The following CNIH3 variants were observed in gnomAD, a reference collection of about 807,000 sequenced individuals.
CNIH3 encodes the protein protein cornichon homolog 3.
A neutral mutation model predicts 24.1 loss-of-function variants in CNIH3; 14 were observed. That is an observed-to-expected ratio of 0.58 (90% CI 0.38 to 0.91). The LOEUF (loss-of-function observed/expected upper bound fraction) is 0.91, where lower values mean the gene tolerates loss of function less well. CNIH3 is among the 40% of genes least tolerant of loss of function. CNIH3 has a pLI of 0.00. For missense variants in CNIH3, 178 were observed against 196.8 expected (o/e 0.90, Z 0.57); for synonymous variants, 68 against 73.8 (o/e 0.92, Z 0.40).
chr1:224,590,536 C>A (rs2125027376), downstream of CNIH3, among the ~76,000 whole-genome samples: 1 of 152,262 alleles, frequency 6.6e-6, no homozygotes. Flanking sequence ...ATAGCACCAG[C>A]ATCTGGTGAG....
At chr1:224,731,174 A>T (rs1488824994) in intron 4 of CNIH3, among the ~76,000 whole-genome samples, 1 of 152,200 alleles carries the variant, frequency 6.6e-6, no homozygotes, top group African/African-American at 2.4e-5. Flanking sequence ...CTGAAATTAG[A>T]TAGTCATGAT....
At chr1:224,688,091 G>A (rs368102517) in intron 3 of CNIH3, among the ~76,000 whole-genome samples, 4 of 152,286 alleles carry the variant, frequency 2.6e-5, no homozygotes, top group East Asian at 1.9e-4. Flanking sequence ...TGACAGAGGC[G>A]ATGGGACTAA....
chr1:224,737,545 C>T (rs1470141129), intron 5 of CNIH3, among the ~76,000 whole-genome samples: 2 of 152,006 alleles, frequency 1.3e-5, no homozygotes, highest in Admixed American at 6.5e-5. Context: ...CCCTCAGATC[C>T]GGAGCTGGTG....
chr1:224,499,042 C>T (rs1428186884), intron 1 of CNIH3, among the ~76,000 whole-genome samples: 4 of 152,174 alleles, frequency 2.6e-5, no homozygotes, highest in Non-Finnish European at 5.9e-5. Context: ...GGAAGGGGTG[C>T]TGGGAGTGCC....
chr1:224,442,074 A>G (rs956090843), intron 1 of CNIH3, among the ~76,000 whole-genome samples: 1 of 137,188 alleles, frequency 7.3e-6, no homozygotes, highest in Non-Finnish European at 1.5e-5. Context: ...GCAGGAGTGC[A>G]GTGGCACGAT....
chr1:224,656,842 G>C (rs1399861634), intron 1 of CNIH3, among the ~76,000 whole-genome samples: 1 of 152,164 alleles, frequency 6.6e-6, no homozygotes, highest in Non-Finnish European at 1.5e-5. Flanking sequence ...TAATTATTTT[G>C]TATGTGATCT....
At chr1:224,594,290 G>A (rs749466981) in intron 3 of CNIH3, among the ~76,000 whole-genome samples, 1 of 152,190 alleles carries the variant, frequency 6.6e-6, no homozygotes, top group Non-Finnish European at 1.5e-5. Flanking sequence ...ACCCCCGCTT[G>A]TCTGGAAGGG....
intron 1 of CNIH3, among the ~76,000 whole-genome samples, chr1:224,456,585 A>G (rs1428225816): frequency 6.6e-6 from 1 of 151,996 alleles, no homozygotes; most frequent in East Asian, 1.9e-4. Context: ...TAATTTTTGT[A>G]TTTTTTGTAG....
chr1:224,494,820 A>G (rs537093120), intron 1 of CNIH3, among the ~76,000 whole-genome samples: 1 of 152,200 alleles, frequency 6.6e-6, no homozygotes, highest in African/African-American at 2.4e-5. Context: ...CTCATGCCCA[A>G]CGCCCTCTGG....
At chr1:224,583,938 G>A (rs1029120935) in intron 5 of CNIH3, among the ~76,000 whole-genome samples, 9 of 152,182 alleles carry the variant, frequency 5.9e-5, no homozygotes, top group Non-Finnish European at 1.3e-4. Context: ...CTGCTCCAAT[G>A]TATGTGATGT....
chr1:224,687,113 G>T (rs1434136901), intron 3 of CNIH3, among the ~76,000 whole-genome samples: 2 of 152,234 alleles, frequency 1.3e-5, no homozygotes, highest in African/African-American at 4.8e-5. Flanking sequence ...GACTTTAGGT[G>T]TTGTGGCTGC....
At chr1:224,708,558 G>T (rs1294059131) in intron 3 of CNIH3, among the ~76,000 whole-genome samples, 1 of 152,134 alleles carries the variant, frequency 6.6e-6, no homozygotes, top group East Asian at 1.9e-4. Flanking sequence ...CGGCAGATGT[G>T]CCTCTCCTTC....
chr1:224,688,377 C>CTG (rs1324809931), intron 3 of CNIH3, among the ~76,000 whole-genome samples: 3 of 152,180 alleles, frequency 2.0e-5, no homozygotes, highest in African/African-American at 4.8e-5. Context: ...GCATGCAGGT[C>CTG]TGTCTCCTCT....
At chr1:224,545,766 G>T (rs1275007419) in intron 2 of CNIH3, among the ~76,000 whole-genome samples, 1 of 152,126 alleles carries the variant, frequency 6.6e-6, no homozygotes, top group Non-Finnish European at 1.5e-5. Context: ...TGAACATCAG[G>T]CTTCTAGTCA....
chr1:224,713,340 G>A (rs192989836), intron 3 of CNIH3, among the ~76,000 whole-genome samples: 1 of 152,318 alleles, frequency 6.6e-6, no homozygotes, highest in East Asian at 1.9e-4. Context: ...ACAGTTCCAG[G>A]TATTGTTATT....
chr1:224,506,851 A>G (rs1259880605), intron 1 of CNIH3, among the ~76,000 whole-genome samples: 1 of 152,154 alleles, frequency 6.6e-6, no homozygotes, highest in Non-Finnish European at 1.5e-5. Flanking sequence ...ATTCATACTC[A>G]TAAAAGAAGG....
rs1438576724 is a variant in CNIH3 at position 224,582,555 on chromosome 1, C to T, written n.517-609C>T. 3.9e-5 allele frequency among the ~76,000 whole-genome samples: 6 copies of T among 152,100 alleles called. No homozygotes were observed. In the East Asian group the frequency reaches 1.2e-3, roughly 29 times the overall value. On this transcript the variant is annotated intron_variant and non_coding_transcript_variant, in intron 4 of 5. Coordinates refer to the CNIH3 transcript ENST00000471578. ...CAATCACCGCAGAACTTCCTTCTTA[C>T]GTGTACATGTAATGAAATGGAAGAC... is the stretch of plus-strand genomic sequence containing the variant.
At chr1:224,729,811 CCCA>C (rs1689227615) in intron 3 of CNIH3, among the ~76,000 whole-genome samples, 1 of 152,156 alleles carries the variant, frequency 6.6e-6, no homozygotes, top group East Asian at 1.9e-4. Flanking sequence ...GGTCACACTT[CCCA>C]CCATCAGGCC....
chr1:224,478,774 A>G (rs1416739049), intron 1 of CNIH3, among the ~76,000 whole-genome samples: 1 of 152,200 alleles, frequency 6.6e-6, no homozygotes, highest in African/African-American at 2.4e-5. Flanking sequence ...TTTACAAAAG[A>G]AAGAGTTTTA....
Sources: gnomAD v4.1 joint callset for allele counts (sites outside exome capture counted in the v4.1 genomes callset) on GRCh38, gnomAD v4.1.1 for gene constraint, MANE v1.5 for transcripts, NCBI Gene and HGNC (gene_info 2026-07-23, HGNC 2026-07-21) for gene names.